The following PRH1 variants were observed in gnomAD, a reference collection of about 807,000 sequenced individuals.
The protein encoded by PRH1 is proline rich protein HaeIII subfamily 1.
A neutral mutation model predicts 7.9 loss-of-function variants in PRH1; 7 were observed. That is an observed-to-expected ratio of 0.89 (90% confidence interval 0.50 to 1.67). The LOEUF is 1.67. Among genes scored for constraint, PRH1 ranks in the 40% most tolerant of loss-of-function variants. PRH1 has a pLI of 0.00. For missense variants in PRH1, 109 were observed against 223.6 expected, an observed-to-expected ratio of 0.49 and a Z score of 3.27; for synonymous variants, 45 against 80.8, an observed-to-expected ratio of 0.56 and a Z score of 2.38.
chr12:10,948,352 T>C (rs1409862703), intron 2 of PRH1, among the ~76,000 whole-genome samples: 1 of 152,236 alleles, frequency 6.6e-6, no homozygotes, highest in Non-Finnish European at 1.5e-5. Flanking sequence ...TATTTTTGTC[T>C]GACTGTATTA....
In PRH1 at chr12:11,105,207, T is replaced by G. The variant is rs569251094; in HGVS notation, n.124-58019A>C. ...CTTAAAAGGACTCAAAGAAAAAAAG[T>G]TGAAAAATAAAAAGAGTCTATAAGT... On this transcript the variant is annotated intron_variant and non_coding_transcript_variant, in intron 1 of 4. Coordinates refer to the PRH1 transcript ENST00000541977. Among the ~76,000 whole-genome samples the G allele has an allele frequency of 2.9e-4, 44 of 152,050 alleles. 1 individual carries two copies. In the South Asian group the frequency reaches 8.9e-3, roughly 31 times the overall value.
At chr12:10,882,175 T>C (rs1239236235) in intron 3 of PRH1, 42 bp downstream of exon 3, 16 of 1,608,992 alleles carry the variant, frequency 9.9e-6, no homozygotes, top group South Asian at 4.4e-5. Flanking sequence ...TGGAGAACTG[T>C]AGCAGTTGGA....
chr12:11,132,973 T>C (rs1946410217), intron 1 of PRH1: 1 of 272,528 alleles, frequency 3.7e-6, no homozygotes, highest in Non-Finnish European at 6.8e-6. Context: ...TAAATAGATA[T>C]AAATTCTACA....
At chr12:11,091,402 T>C (rs201196515) in intron 1 of PRH1, 50,921 of 971,170 alleles carry the variant, frequency 0.052, 18,271 homozygotes, top group Admixed American at 0.059. Flanking sequence ...TCAGGATGAA[T>C]GGGTGGATTG....
intron 1 of PRH1, among the ~76,000 whole-genome samples, chr12:11,159,899 T>C (rs1947362590): frequency 6.6e-6 from 1 of 152,188 alleles, no homozygotes; most frequent in Non-Finnish European, 1.5e-5. Flanking sequence ...TAAACCAAAT[T>C]GTTAAGAGAT....
chr12:10,956,000 A>T (rs1030439184), intron 2 of PRH1, among the ~76,000 whole-genome samples: 1 of 152,130 alleles, frequency 6.6e-6, no homozygotes, highest in African/African-American at 2.4e-5. Context: ...GAATTCCACC[A>T]TGTGTATAAA....
At chr12:11,164,825 TAC>T (rs1947523540) in intron 1 of PRH1, among the ~76,000 whole-genome samples, 6 of 152,224 alleles carry the variant, frequency 3.9e-5, no homozygotes, top group Admixed American at 3.3e-4. Context: ...GTTTTAATTA[TAC>T]AGTTTACTTT....
At chr12:11,066,715 T>A (rs1429693800) in intron 1 of PRH1, among the ~76,000 whole-genome samples, 1 of 151,670 alleles carries the variant, frequency 6.6e-6, no homozygotes, top group Non-Finnish European at 1.5e-5. Flanking sequence ...TTCCATCTTG[T>A]TTTTTAAGTA....
At chr12:10,942,200 C>T (rs995419706) in intron 2 of PRH1, among the ~76,000 whole-genome samples, 1 of 152,116 alleles carries the variant, frequency 6.6e-6, no homozygotes, top group Non-Finnish European at 1.5e-5. Flanking sequence ...GGTTGGCCTC[C>T]TACCAGGAGG....
chr12:11,070,098 C>G (rs1349229697), intron 1 of PRH1, among the ~76,000 whole-genome samples: 1 of 152,146 alleles, frequency 6.6e-6, no homozygotes, highest in African/African-American at 2.4e-5. Context: ...TGGCCATCAG[C>G]TGATGCCCTG....
chr12:10,940,389 T>G (rs905900997), intron 2 of PRH1, among the ~76,000 whole-genome samples: 2 of 152,210 alleles, frequency 1.3e-5, no homozygotes, highest in African/African-American at 4.8e-5. Flanking sequence ...TTATATTAAA[T>G]AGTAATACAT....
chr12:11,166,842 T>C (rs749251462), intron 1 of PRH1, among the ~76,000 whole-genome samples: 3 of 152,232 alleles, frequency 2.0e-5, no homozygotes, highest in Non-Finnish European at 4.4e-5. Flanking sequence ...GCTGCATTGC[T>C]TTCTGGAGGC....
At chr12:11,165,652 G>GTAAATCCTAAGA (rs1565721888) in intron 1 of PRH1, among the ~76,000 whole-genome samples, 2 of 151,610 alleles carry the variant, frequency 1.3e-5, no homozygotes, top group African/African-American at 4.9e-5. Flanking sequence ...CATATTTACA[G>GTAAATCCTAAGA]TAAATCCTGA....
chr12:11,099,480 C>G (rs1053527893), intron 1 of PRH1, among the ~76,000 whole-genome samples: 1 of 152,022 alleles, frequency 6.6e-6, no homozygotes, highest in African/African-American at 2.4e-5. Context: ...GGGCAGATCA[C>G]GAGGTCAAGA....
At chr12:10,899,428 T>A (rs772548931) in intron 2 of PRH1, among the ~76,000 whole-genome samples, 7 of 152,136 alleles carry the variant, frequency 4.6e-5, no homozygotes, top group Non-Finnish European at 8.8e-5. Flanking sequence ...TAGTGAGAAG[T>A]GTTTGAGTCA....
At chr12:10,971,738 T>G (rs1413567999) in intron 2 of PRH1, among the ~76,000 whole-genome samples, 1 of 152,094 alleles carries the variant, frequency 6.6e-6, no homozygotes, top group East Asian at 1.9e-4. Flanking sequence ...ATGAGTAATA[T>G]CAGAATAATT....
chr12:11,009,929 C>T (rs534044785), intron 1 of PRH1, among the ~76,000 whole-genome samples: 2 of 151,892 alleles, frequency 1.3e-5, no homozygotes, highest in East Asian at 1.9e-4. Context: ...ATTACCCAAG[C>T]GAGATAGAGA....
chr12:10,902,017 C>A (rs1949731330), intron 2 of PRH1, among the ~76,000 whole-genome samples: 1 of 151,900 alleles, frequency 6.6e-6, no homozygotes, highest in Non-Finnish European at 1.5e-5. Context: ...GGTCCCTAAC[C>A]AAAACAAAAG....
At chr12:10,897,497 C>A (rs976417805) in intron 2 of PRH1, among the ~76,000 whole-genome samples, 2 of 152,172 alleles carry the variant, frequency 1.3e-5, no homozygotes, top group Non-Finnish European at 2.9e-5. Flanking sequence ...CCTACAGAAT[C>A]TTTAAGTGAA....
Sources: allele counts gnomAD v4.1 joint callset (sites outside exome capture counted in the v4.1 genomes callset), GRCh38; gene constraint gnomAD v4.1.1; transcripts MANE v1.5; gene names NCBI Gene and HGNC (gene_info 2026-07-23, HGNC 2026-07-21).